The following PRELID2 variants were observed in gnomAD, a reference collection of about 807,000 sequenced individuals.
PRELID2 encodes PRELI domain containing 2.
PRELID2 carries 25 observed loss-of-function variants against 28.4 expected under a neutral mutation model. The ratio of observed to expected loss-of-function variants is 0.88; its 90% CI spans 0.64 to 1.23. The LOEUF (loss-of-function observed/expected upper bound fraction) is 1.23. PRELID2 is among the 50% of genes most tolerant of loss of function. PRELID2 has a pLI of 0.00. For synonymous variants in PRELID2, 76 were observed against 71.6 expected, an observed-to-expected ratio of 1.06 and a Z score of -0.31; for missense variants, 201 against 214.4, an observed-to-expected ratio of 0.94 and a Z score of 0.39.
chr5:145,441,774 C>A, the PRELID2 span, among the ~76,000 whole-genome samples: 1 of 152,066 alleles, frequency 6.6e-6, no homozygotes, highest in African/African-American at 2.4e-5. Context: ...GCTCTGTTAG[C>A]ATTTTGAGGT....
intron 1 of PRELID2, among the ~76,000 whole-genome samples, chr5:145,641,178 C>T (rs1754101012): frequency 6.6e-6 from 1 of 151,970 alleles, no homozygotes; most frequent in Admixed American, 6.6e-5. Flanking sequence ...CTAACAGTTC[C>T]TCTCAACAAA....
the PRELID2 span, among the ~76,000 whole-genome samples, chr5:145,367,152 TC>T: frequency 1.3e-5 from 2 of 151,878 alleles, no homozygotes; most frequent in Admixed American, 1.3e-4. Flanking sequence ...TCTCATCTCA[TC>T]TTTTAGGTTT....
At chr5:145,257,843 T>A in the PRELID2 span, among the ~76,000 whole-genome samples, 1 of 152,126 alleles carries the variant, frequency 6.6e-6, no homozygotes. Flanking sequence ...AAATCTCAAG[T>A]CAAATTGTAA....
chr5:145,390,374 G>A, the PRELID2 span, among the ~76,000 whole-genome samples: 2 of 152,168 alleles, frequency 1.3e-5, no homozygotes, highest in Non-Finnish European at 2.9e-5. Flanking sequence ...GGCTACGGAG[G>A]CCTCAGAAAA....
chr5:145,369,008 C>T, the PRELID2 span, among the ~76,000 whole-genome samples: 2 of 151,632 alleles, frequency 1.3e-5, no homozygotes, highest in Non-Finnish European at 2.9e-5. Flanking sequence ...TTGTTCCCCT[C>T]TATGTGTCCG....
At chr5:145,297,682 CCT>C in the PRELID2 span, among the ~76,000 whole-genome samples, 2 of 151,820 alleles carry the variant, frequency 1.3e-5, no homozygotes, top group Non-Finnish European at 2.9e-5. Flanking sequence ...TCAAATTGTC[CCT>C]GTTTGCAGAT....
At chr5:145,255,780 C>T in the PRELID2 span, among the ~76,000 whole-genome samples, 1 of 151,514 alleles carries the variant, frequency 6.6e-6, no homozygotes, top group East Asian at 1.9e-4. Flanking sequence ...GACTCTGTCT[C>T]AAAAACTATA....
Position 145,656,099 on chromosome 5 carries a change from A to G in PRELID2, n.70+108832T>C, listed in dbSNP as rs551103116. Among the ~76,000 whole-genome samples the G allele has an allele frequency of 5.3e-5, 8 of 152,334 alleles. No individual in the cohort carries two copies. In the South Asian group the frequency reaches 1.7e-3, roughly 32 times the overall value. On this transcript the variant is annotated intron_variant and non_coding_transcript_variant, in intron 1 of 2. Coordinates refer to the PRELID2 transcript ENST00000510259. ...ATCACAAAGTGGGCAAAGGAGATGA[A>G]CAGACACTTATCAAAAGAAGACCTT...
chr5:145,784,501 G>A (rs770415672), intron 5 of PRELID2, among the ~76,000 whole-genome samples: 3 of 152,048 alleles, frequency 2.0e-5, no homozygotes, highest in East Asian at 3.9e-4. Context: ...CCAAATTTGC[G>A]GAATTCTCTT....
chr5:145,768,837 TC>T (rs1296924533), intron 5 of PRELID2, among the ~76,000 whole-genome samples: 3 of 151,190 alleles, frequency 2.0e-5, no homozygotes, highest in Admixed American at 2.0e-4. Flanking sequence ...TTTCCCTTTT[TC>T]CCCCCCTCTC....
the PRELID2 span, among the ~76,000 whole-genome samples, chr5:145,346,463 A>G: frequency 3.9e-5 from 6 of 152,156 alleles, no homozygotes; most frequent in Non-Finnish European, 5.9e-5. Context: ...CCCTTCTCCT[A>G]TTCTTGGCCC....
chr5:145,329,337 G>A, the PRELID2 span, among the ~76,000 whole-genome samples: 4 of 152,162 alleles, frequency 2.6e-5, no homozygotes, highest in South Asian at 2.1e-4. Flanking sequence ...GTAGCTTAAT[G>A]GGGATAGCAT....
chr5:145,305,648 G>A, the PRELID2 span, among the ~76,000 whole-genome samples: 1 of 152,004 alleles, frequency 6.6e-6, no homozygotes, highest in Non-Finnish European at 1.5e-5. Flanking sequence ...CATTGGTCAG[G>A]GCAAGAGAGG....
chr5:145,498,441 C>T (rs1038731039), intron 1 of PRELID2, among the ~76,000 whole-genome samples: 1 of 152,144 alleles, frequency 6.6e-6, no homozygotes, highest in Non-Finnish European at 1.5e-5. Flanking sequence ...AAAAGGATCA[C>T]CTGATTCCAG....
intron 1 of PRELID2, among the ~76,000 whole-genome samples, chr5:145,606,913 A>G (rs1336514521): frequency 6.6e-6 from 1 of 152,018 alleles, no homozygotes; most frequent in East Asian, 1.9e-4. Flanking sequence ...TACTGATTCA[A>G]TTTTGGAACT....
At chr5:145,643,218 A>G (rs1754138657) in intron 1 of PRELID2, among the ~76,000 whole-genome samples, 1 of 152,186 alleles carries the variant, frequency 6.6e-6, no homozygotes, top group South Asian at 2.1e-4. Context: ...GTTCTCCCTG[A>G]AGAGGTCCTT....
chr5:145,679,434 C>T (rs1447006746), intron 1 of PRELID2, among the ~76,000 whole-genome samples: 2 of 152,128 alleles, frequency 1.3e-5, no homozygotes, highest in Non-Finnish European at 2.9e-5. Context: ...AAAGTAGAGT[C>T]CACACTCAAT....
At chr5:145,520,839 C>A (rs1752557771) in intron 1 of PRELID2, among the ~76,000 whole-genome samples, 1 of 151,928 alleles carries the variant, frequency 6.6e-6, no homozygotes, top group Admixed American at 6.6e-5. Context: ...ACATAGTACT[C>A]AATATATGTT....
At chr5:145,751,885 G>A (rs1031729803), downstream of PRELID2, among the ~76,000 whole-genome samples, 1 of 152,156 alleles carries the variant, frequency 6.6e-6, no homozygotes, top group Non-Finnish European at 1.5e-5. Context: ...GGGAGGCTGA[G>A]GCAGGAAAAT....
Sources: allele counts gnomAD v4.1 joint callset (sites outside exome capture counted in the v4.1 genomes callset), GRCh38; gene constraint gnomAD v4.1.1; transcripts MANE v1.5; gene names NCBI Gene and HGNC (gene_info 2026-07-23, HGNC 2026-07-21).